The following SDF4 variants were observed in gnomAD, a reference collection of about 807,000 sequenced individuals.
SDF4 encodes the protein stromal cell derived factor 4.
A neutral mutation model predicts 34.2 loss-of-function variants in SDF4; 22 were observed. The ratio of observed to expected loss-of-function variants is 0.64; its 90% CI spans 0.46 to 0.92. The LOEUF is 0.92. Ranked by LOEUF, SDF4 falls within the 40% of genes least tolerant of loss-of-function variation. The pLI, the probability that SDF4 is intolerant of heterozygous loss-of-function variation, is 0.00. For synonymous variants in SDF4, 236 were observed against 203.1 expected, an observed-to-expected ratio of 1.16 and a Z score of -1.38; for missense variants, 447 against 499.9, an observed-to-expected ratio of 0.89 and a Z score of 1.01.
chr1:1,225,607 C>T (rs1182763562), intron 2 of SDF4, among the ~76,000 whole-genome samples: 2 of 152,200 alleles, frequency 1.3e-5, no homozygotes, highest in African/African-American at 4.8e-5. Context: ...CGGGGCCACC[C>T]GGGTGGCCAT....
At chr1:1,228,388 C>A (rs999485548) in intron 2 of SDF4, 80 bp downstream of exon 2, 48 of 1,431,480 alleles carry the variant, frequency 3.4e-5, no homozygotes, top group Non-Finnish European at 2.3e-5. Flanking sequence ...CGGCGCCCCC[C>A]ACCGCGCAAA....
At chr1:1,220,512 C>T (rs2100970971) in intron 4 of SDF4, 3 of 1,206,484 alleles carry the variant, frequency 2.5e-6, no homozygotes, top group Middle Eastern at 3.5e-4. Context: ...TCTTCCTGAG[C>T]CAGAAACCAA....
chr1:1,221,512 G>C (rs771934060), intron 4 of SDF4, among the ~76,000 whole-genome samples: 3 of 152,092 alleles, frequency 2.0e-5, no homozygotes, highest in Non-Finnish European at 4.4e-5. Context: ...TGGCAGGAAC[G>C]TATCTTACAC....
intron 4 of SDF4, chr1:1,219,204 C>T (rs1277863281): frequency 6.9e-6 from 8 of 1,153,380 alleles, no homozygotes; most frequent in Non-Finnish European, 7.5e-6. Flanking sequence ...ACAGCCTGGA[C>T]CCCCCCCTGC....
chr1:1,231,426 C>T (rs1483005524), intron 1 of SDF4, among the ~76,000 whole-genome samples: 1 of 152,240 alleles, frequency 6.6e-6, no homozygotes, highest in African/African-American at 2.4e-5. Context: ...TCTAAAAGCT[C>T]AACAGGGTTC....
At chr1:1,229,492 G>A (rs945410210) in intron 1 of SDF4, among the ~76,000 whole-genome samples, 2 of 152,192 alleles carry the variant, frequency 1.3e-5, no homozygotes, top group African/African-American at 4.8e-5. Context: ...GATTACAGGC[G>A]TGAGCCACTG....
chr1:1,223,494 G>A, intron 3 of SDF4, 137 bp from the exon 4 acceptor site: 2 of 699,552 alleles, frequency 2.9e-6, no homozygotes, highest in East Asian at 2.7e-5. Flanking sequence ...GCCCCGGCCA[G>A]CACCCCACAC....
intron 2 of SDF4, among the ~76,000 whole-genome samples, chr1:1,226,668 C>T (rs1557520488): frequency 6.6e-6 from 1 of 152,192 alleles, no homozygotes; most frequent in Non-Finnish European, 1.5e-5. Context: ...CGCCGCTCGG[C>T]GCAGGAGTCA....
In SDF4 at chr1:1,219,413, C is replaced by A. The variant is rs1021353907; in HGVS notation, c.557-486G>T. The A allele has an allele frequency of 2.2e-5, 22 of 1,017,274 alleles. No individual in the cohort carries two copies. In the Admixed American group the frequency reaches 5.7e-4, roughly 26 times the overall value. 63.0% of individuals were successfully genotyped at this position (1,017,274 alleles called of 1,614,324 possible). ...CAGGATGGGCCTGGGCCCCACCCCC[C>A]ACACCCGCGCCTGCCCCTCTGGAGG... On this transcript the variant is annotated intron_variant, in intron 4 of 6. Transcript: ENST00000360001.
chr1:1,223,213 AC>A, intron 4 of SDF4, 30 bp downstream of exon 4: 1 of 1,471,498 alleles, frequency 6.8e-7, no homozygotes, highest in East Asian at 2.3e-5. Context: ...GATGCCTGAG[AC>A]CGGTGGCGGG....
intron 2 of SDF4, among the ~76,000 whole-genome samples, chr1:1,225,538 G>A (rs1372649472): frequency 6.6e-6 from 1 of 152,186 alleles, no homozygotes; most frequent in Non-Finnish European, 1.5e-5. Context: ...CAGCCCAGAG[G>A]TGGACGGGCC....
intron 2 of SDF4, among the ~76,000 whole-genome samples, chr1:1,226,031 G>C (rs937961121): frequency 2.0e-5 from 3 of 152,196 alleles, no homozygotes; most frequent in African/African-American, 7.2e-5. Context: ...ACACAGATGT[G>C]ACTGGGCTGG....
chr1:1,219,104 A>T, intron 4 of SDF4, 177 bp from the exon 5 acceptor site: 3 of 1,513,358 alleles, frequency 2.0e-6, no homozygotes, highest in Admixed American at 2.1e-5. Context: ...CACAGCCTGG[A>T]CCCCCGCCAA....
chr1:1,227,468 C>T lies in SDF4; in HGVS notation c.305+1000G>A, dbSNP rs142702273. The T allele has an allele frequency of 7.2e-3, 1,103 of 152,756 alleles. 61 individuals carry two copies. Among genetic ancestry groups the T allele is most frequent in the Non-Finnish European group, 0.011 (757 of 68,578 alleles). The allele number at this position is 152,756 out of a possible 1,614,324, so 9.5% of individuals were successfully genotyped here. On this transcript the variant is annotated intron_variant, in intron 2 of 6. Coordinates refer to ENST00000360001, the MANE Select transcript of SDF4 (RefSeq NM_016176.6). The stretch of plus-strand genomic sequence containing the variant: ...AAGGCGAGCTCGTGGCCAGGCCCTG[C>T]GGGAAGGTGAGCTCGTGGCCAGGCC...
chr1:1,223,135 GCACGGCACACTCATACACGACACA>G (rs1218045052), intron 4 of SDF4, 85 bp downstream of exon 4: 16 of 783,580 alleles, frequency 2.0e-5, no homozygotes, highest in East Asian at 2.0e-4. Flanking sequence ...ACGAGCACAC[GCACGGCACACTCATACACGACACA>G]CACGGCACAC....
Position 1,228,930 on chromosome 1 carries a change from G to A in SDF4, c.-158C>T. The stretch of plus-strand genomic sequence containing the variant: ...GTCCCCAGGACGGCCGCAGGATGGG[G>A]ACAAGCAGCTCACAGTCTGCAGAGA... On this transcript the variant is annotated 5_prime_UTR_variant, in exon 2 of 7. Coordinates refer to ENST00000360001, the MANE Select transcript of SDF4 (RefSeq NM_016176.6). 1 of 635,294 alleles carries A rather than the reference G, an allele frequency of 1.6e-6. No homozygotes were observed. The highest frequency in any genetic ancestry group is 2.0e-5 in the South Asian group (1 of 51,050). The allele number at this position is 635,294 out of a possible 1,614,324, so 39.4% of individuals were successfully genotyped here.
chr1:1,224,994 G>C (rs1342670388), intron 2 of SDF4, among the ~76,000 whole-genome samples: 2 of 152,198 alleles, frequency 1.3e-5, no homozygotes, highest in Non-Finnish European at 2.9e-5. Flanking sequence ...TTAACATTGT[G>C]TGCAAGGATG....
Position 1,217,828 on chromosome 1 carries a change from G to A in SDF4, c.892-140C>T, listed in dbSNP as rs748693397. 51 of 1,544,088 alleles carry A rather than the reference G, an allele frequency of 3.3e-5. No individual in the cohort carries two copies. In the South Asian group the frequency reaches 4.6e-4, roughly 14 times the overall value. The stretch of plus-strand genomic sequence containing the variant: ...TTCTGGAAGGTTCCCGAAGGGAGGC[G>A]GCACAAATGAAAACACAGGGCAGGG... On this transcript the variant is annotated intron_variant, in intron 6 of 6. Coordinates refer to ENST00000360001, the MANE Select transcript of SDF4 (RefSeq NM_016176.6). The surrounding 1 kb of genome is among the most constrained non-coding windows in gnomAD (Gnocchi z 8.5).
At chr1:1,222,105 C>T (rs920180809) in intron 4 of SDF4, among the ~76,000 whole-genome samples, 9 of 152,238 alleles carry the variant, frequency 5.9e-5, no homozygotes, top group Non-Finnish European at 1.0e-4. Context: ...GCGACACGGG[C>T]GCCCTGCAGG....
Sources: allele counts gnomAD v4.1 joint callset (sites outside exome capture counted in the v4.1 genomes callset), GRCh38; gene constraint gnomAD v4.1.1; non-coding constraint Gnocchi (gnomAD v3.1); transcripts MANE v1.5; gene names NCBI Gene and HGNC (gene_info 2026-07-23, HGNC 2026-07-21).